NFIB: variants seen among roughly 807,000 people sequenced by gnomAD.
The protein encoded by NFIB is nuclear factor I B.
NFIB carries 11 observed loss-of-function variants against 61.5 expected under a neutral mutation model. The ratio of observed to expected loss-of-function variants is 0.18; its 90% confidence interval spans 0.11 to 0.30. NFIB has a LOEUF of 0.30. Ranked by LOEUF, NFIB falls within the 10% of genes least tolerant of loss-of-function variation. The probability of loss-of-function intolerance (pLI) is 1.00; values close to 1 mark genes in which losing one functional copy is unlikely to be tolerated. For synonymous variants in NFIB, 260 were observed against 216.5 expected (o/e 1.20, Z -1.76); for missense variants, 471 against 608.9 (o/e 0.77, Z 2.38).
chr9:14,335,942 G>C (rs543023982), intron 1 of NFIB, among the ~76,000 whole-genome samples: 1 of 152,132 alleles, frequency 6.6e-6, no homozygotes, highest in Admixed American at 6.5e-5. Flanking sequence ...TTCCCCCACT[G>C]AATCGAGTTC....
the NFIB span, among the ~76,000 whole-genome samples, chr9:14,425,783 T>C: frequency 1.4e-4 from 21 of 152,076 alleles, 1 homozygote; most frequent in Admixed American, 1.4e-3. Flanking sequence ...CCTAGTTTCA[T>C]TCATCTTTCT....
At chr9:14,362,931 G>A (rs2061257018) in intron 1 of NFIB, 1 of 152,078 alleles carries the variant, frequency 6.6e-6, no homozygotes, top group African/African-American at 2.4e-5. Flanking sequence ...AGGACTTTGG[G>A]TCAGAGTAGC....
chr9:14,102,440 A>C (rs1467728530), intron 10 of NFIB: 1 of 1,550,256 alleles, frequency 6.5e-7, no homozygotes, highest in Non-Finnish European at 8.7e-7. Flanking sequence ...AGTAATTCCC[A>C]ATGTATCCTC....
intron 3 of NFIB, among the ~76,000 whole-genome samples, chr9:14,171,799 C>A (rs905180494): frequency 4.0e-5 from 6 of 151,876 alleles, no homozygotes; most frequent in Non-Finnish European, 8.8e-5. Flanking sequence ...GAAACATGTC[C>A]GAAAAGTAGT....
At chr9:14,244,129 T>C (rs1004867023) in intron 2 of NFIB, among the ~76,000 whole-genome samples, 1 of 152,190 alleles carries the variant, frequency 6.6e-6, no homozygotes, top group African/African-American at 2.4e-5. Context: ...TTTTCAAGAA[T>C]GGCTATTGTG....
intron 6 of NFIB, among the ~76,000 whole-genome samples, chr9:14,143,178 G>A (rs2041939634): frequency 6.7e-6 from 1 of 149,968 alleles, no homozygotes; most frequent in Admixed American, 6.8e-5. Context: ...GTAACTTTTT[G>A]TTTTGAAAAG....
intron 2 of NFIB, among the ~76,000 whole-genome samples, chr9:14,215,134 T>TCCTCGCTTATTCTAAATTTAAAA (rs2050721196): frequency 1.4e-4 from 21 of 151,346 alleles, no homozygotes; most frequent in African/African-American, 4.9e-4. Flanking sequence ...AGCTCAACAA[T>TCCTCGCTTATTCTAAATTTAAAA]TGGGTGCTTA....
chr9:14,498,349 C>T, the NFIB span, among the ~76,000 whole-genome samples: 1 of 152,164 alleles, frequency 6.6e-6, no homozygotes, highest in African/African-American at 2.4e-5. Context: ...TGAGCCAATA[C>T]AAGCCTGATC....
intron 2 of NFIB, among the ~76,000 whole-genome samples, chr9:14,234,082 G>C (rs969611658): frequency 6.6e-6 from 1 of 152,136 alleles, no homozygotes; most frequent in Non-Finnish European, 1.5e-5. Context: ...GTGACTCTTG[G>C]AAAATCCAGG....
chr9:14,510,717 A>C, the NFIB span, among the ~76,000 whole-genome samples: 1 of 152,222 alleles, frequency 6.6e-6, no homozygotes, highest in Non-Finnish European at 1.5e-5. Flanking sequence ...AAAGTACAAC[A>C]ACCTCAAAAT....
At chr9:14,414,336 G>T in the NFIB span, among the ~76,000 whole-genome samples, 19 of 151,124 alleles carry the variant, frequency 1.3e-4, no homozygotes, top group African/African-American at 3.6e-4. Flanking sequence ...TCGGGAGGCT[G>T]AGGCAGGAGA....
In NFIB at chr9:14,313,840, C is replaced by A. The variant is rs1319871896; in HGVS notation, c.-329G>T. 3 of 1,260,822 alleles carry A rather than the reference C, an allele frequency of 2.4e-6. No individual in the cohort carries two copies. The highest frequency in any genetic ancestry group is 3.8e-5 in the Admixed American group (1 of 26,300). 78.1% of individuals were successfully genotyped at this position (1,260,822 alleles called of 1,614,324 possible). A position where few individuals can be genotyped will look rare whatever the true frequency, so the allele number is the denominator to read the frequency against. ...TCGCCTGGGTTTGGGGATTTGTTTT[C>A]TATTTTGCAGTTGTTGTTGTTGTTG... On this transcript the variant is annotated 5_prime_UTR_variant, in exon 1 of 11. Transcript: ENST00000380953. This position sits in a 1 kb window ranked among gnomAD's most constrained non-coding sequence, Gnocchi z 4.5.
chr9:14,440,258 C>T, the NFIB span, among the ~76,000 whole-genome samples: 1 of 152,122 alleles, frequency 6.6e-6, no homozygotes, highest in East Asian at 1.9e-4. Flanking sequence ...CACCTTAGCA[C>T]CTAGGACAGA....
chr9:14,104,900 T>C (rs2036327459), intron 10 of NFIB, among the ~76,000 whole-genome samples: 1 of 152,146 alleles, frequency 6.6e-6, no homozygotes, highest in Admixed American at 6.5e-5. Context: ...CAGATTAGTA[T>C]CTATGGGGCT....
chr9:14,277,595 T>C (rs920897123), intron 2 of NFIB, among the ~76,000 whole-genome samples: 4 of 152,224 alleles, frequency 2.6e-5, no homozygotes, highest in Non-Finnish European at 5.9e-5. Flanking sequence ...CAACAACTTG[T>C]TTGAGCTCTA....
At chr9:14,438,033 C>T in the NFIB span, among the ~76,000 whole-genome samples, 2 of 139,964 alleles carry the variant, frequency 1.4e-5, no homozygotes, top group Admixed American at 7.2e-5. Flanking sequence ...TGTGTGTGCG[C>T]GTATGTGCGT....
At chr9:14,316,349 G>C (rs1257093103), upstream of NFIB, among the ~76,000 whole-genome samples, 1 of 152,242 alleles carries the variant, frequency 6.6e-6, no homozygotes, top group Non-Finnish European at 1.5e-5. Context: ...GCGCTGGGGG[G>C]TGGGGAGTTC....
intron 10 of NFIB, among the ~76,000 whole-genome samples, chr9:14,089,356 C>T (rs1474456584): frequency 3.6e-5 from 5 of 138,252 alleles, no homozygotes; most frequent in African/African-American, 1.5e-4. Flanking sequence ...TGCTGAATTA[C>T]AGGCTGTTAA....
At chr9:14,385,130 C>T (rs950631682) in intron 1 of NFIB, among the ~76,000 whole-genome samples, 9 of 152,198 alleles carry the variant, frequency 5.9e-5, no homozygotes, top group Non-Finnish European at 1.2e-4. Flanking sequence ...AGCCACTGGG[C>T]TCAGGGCTTT....
Sources: allele counts gnomAD v4.1 joint callset (sites outside exome capture counted in the v4.1 genomes callset), GRCh38; gene constraint gnomAD v4.1.1; non-coding constraint Gnocchi (gnomAD v3.1); transcripts MANE v1.5; gene names NCBI Gene and HGNC (gene_info 2026-07-23, HGNC 2026-07-21).